MED21: variants seen among roughly 807,000 people sequenced by gnomAD.
The protein encoded by MED21 is mediator of RNA polymerase II transcription subunit 21.
A neutral mutation model predicts 18.2 loss-of-function variants in MED21; 9 were observed. The ratio of observed to expected loss-of-function variants is 0.49; its 90% CI spans 0.30 to 0.86. MED21 has a LOEUF of 0.86. Among genes scored for constraint, MED21 ranks in the 40% least tolerant of loss-of-function variants. The probability of loss-of-function intolerance (pLI) is 0.07; values close to 1 mark genes in which losing one functional copy is unlikely to be tolerated. For missense variants in MED21, 150 were observed against 170.9 expected (o/e 0.88, Z 0.68); for synonymous variants, 73 against 60.5 (o/e 1.21, Z -0.96).
At chr12:27,022,740 G>A (rs1490456445) in intron 1 of MED21, 119 bp downstream of exon 1, 8 of 1,576,030 alleles carry the variant, frequency 5.1e-6, no homozygotes, top group Non-Finnish European at 6.0e-6. Flanking sequence ...CAGGGCTTCG[G>A]CATAAAGCGC....
At chr12:27,022,707 A>G (rs1872191) in intron 1 of MED21, 86 bp downstream of exon 1, 1,508,169 of 1,608,758 alleles carry the variant, frequency 0.94, 707,616 homozygotes, top group East Asian at 1. Context: ...GCAAAACTTG[A>G]AAGTGGGGAG....
intron 1 of MED21, among the ~76,000 whole-genome samples, chr12:27,025,577 T>G (rs1241896277): frequency 3.9e-5 from 6 of 152,200 alleles, no homozygotes; most frequent in Non-Finnish European, 7.4e-5. Context: ...TTTGTAGTAT[T>G]AGCAGAATAT....
chr12:27,023,300 CTTTTTTTTTT>C (rs71437317), intron 1 of MED21, among the ~76,000 whole-genome samples: 3 of 110,438 alleles, frequency 2.7e-5, no homozygotes, highest in Non-Finnish European at 5.1e-5. Flanking sequence ...TTTTTCTTTT[CTTTTTTTTTT>C]TTTTTTTACT....
At chr12:27,034,424 A>G (rs1941637378), downstream of MED21, among the ~76,000 whole-genome samples, 1 of 152,012 alleles carries the variant, frequency 6.6e-6, no homozygotes, top group South Asian at 2.1e-4. Context: ...CTCCGTCTCA[A>G]AAAAAAAGTT....
chr12:27,034,620 T>C (rs925978769), downstream of MED21, among the ~76,000 whole-genome samples: 1 of 152,050 alleles, frequency 6.6e-6, no homozygotes, highest in Non-Finnish European at 1.5e-5. Flanking sequence ...TTTGTATTTT[T>C]AGTAGAGATG....
rs148902666 is a variant in MED21, at chr12:27,027,937, A to G, written c.259-348A>G. ...TTCAAATCATAGCACCTTTTGTTAT[A>G]ATATTCAAATTTCCATTATAAGGAA... On this transcript the variant is annotated intron_variant, in intron 3 of 3. Coordinates refer to ENST00000282892, the MANE Select transcript of MED21 (RefSeq NM_004264.5). 1.0e-3 allele frequency among the ~76,000 whole-genome samples: 157 copies of G among 152,356 alleles called. 1 individual carries two copies. The highest frequency in any genetic ancestry group is 3.7e-3 in the African/African-American group (153 of 41,580).
chr12:27,029,222 C>T lies in MED21; in HGVS notation c.*761C>T, dbSNP rs1275548917. 3 of 985,296 alleles carry T rather than the reference C, an allele frequency of 3.0e-6. No homozygotes were observed. In the African/African-American group the frequency reaches 5.2e-5, roughly 17 times the overall value. 61.0% of individuals were successfully genotyped at this position (985,296 alleles called of 1,614,324 possible). ...CAATTCTTTCTCATTCTCCATTTAT[C>T]TGAAGGTTCTTTTGCCCTTATTAAC... On this transcript the variant is annotated 3_prime_UTR_variant, in exon 4 of 4. Coordinates refer to ENST00000282892, the MANE Select transcript of MED21 (RefSeq NM_004264.5).
chr12:27,028,003 G>T (rs750846159), intron 3 of MED21, among the ~76,000 whole-genome samples: 2 of 152,142 alleles, frequency 1.3e-5, no homozygotes, highest in Non-Finnish European at 2.9e-5. Context: ...TCCTAGTGAA[G>T]AATGAGAGGA....
chr12:27,028,550 A>G lies in MED21; in HGVS notation c.*89A>G, dbSNP rs1405586387. The G allele has an allele frequency of 1.4e-6, 2 of 1,479,198 alleles. No homozygotes were observed. Among genetic ancestry groups the G allele is most frequent in the African/African-American group, 2.8e-5 (2 of 71,638 alleles). 91.6% of individuals were successfully genotyped at this position (1,479,198 alleles called of 1,614,324 possible). A position where few individuals can be genotyped will look rare whatever the true frequency, so the allele number is the denominator to read the frequency against. ...GACTTAGATACAAGCCTTACCAACA[A>G]TTACAGAAACATTAAACACTATGAC... On this transcript the variant is annotated 3_prime_UTR_variant, in exon 4 of 4. Coordinates refer to ENST00000282892, the MANE Select transcript of MED21 (RefSeq NM_004264.5).
At chr12:27,036,435 T>C (rs548379134) in intron 2 of MED21, among the ~76,000 whole-genome samples, 13 of 152,340 alleles carry the variant, frequency 8.5e-5, no homozygotes, top group Non-Finnish European at 1.6e-4. Context: ...AGAAGCTCTT[T>C]AGTTTAATTA....
At chr12:27,031,159 A>G (rs1399303744), downstream of MED21, among the ~76,000 whole-genome samples, 2 of 152,190 alleles carry the variant, frequency 1.3e-5, no homozygotes, top group Non-Finnish European at 2.9e-5. Flanking sequence ...CACCCGCCTC[A>G]GCCTCCCAAA....
chr12:27,023,721 G>C (rs1192372221), intron 1 of MED21, among the ~76,000 whole-genome samples: 8 of 152,142 alleles, frequency 5.3e-5, no homozygotes. Flanking sequence ...GTGGAAAGTA[G>C]AAGCAAAGCC....
Position 27,030,307 on chromosome 12 carries a change from CTT to C in MED21, c.*1855_*1856del. On this transcript the variant is annotated 3_prime_UTR_variant, in exon 4 of 4. Transcript: ENST00000282892. ...ACCACGTCCAGCTAATTTTTTTTTT[CTT>C]TTTTTTTTAGAGATGGGGTCTCACT... 11 of 402,332 alleles carry C rather than the reference CTT, an allele frequency of 2.7e-5. No individual in the cohort carries two copies. The highest frequency in any genetic ancestry group is 6.7e-4 in the Middle Eastern group (1 of 1,492). 24.9% of individuals were successfully genotyped at this position (402,332 alleles called of 1,614,324 possible).
intron 2 of MED21, chr12:27,038,289 A>G (rs1941661775): frequency 6.6e-6 from 1 of 152,094 alleles, no homozygotes; most frequent in South Asian, 2.1e-4. Context: ...TTTAAAGTAC[A>G]TTTTCAGTGA....
downstream of MED21, among the ~76,000 whole-genome samples, chr12:27,034,640 A>G (rs1303849144): frequency 1.2e-4 from 19 of 152,040 alleles, no homozygotes; most frequent in East Asian, 3.5e-3. Flanking sequence ...GGGGTTTTGC[A>G]GTGTTGCCCA....
Position 27,030,414 on chromosome 12 carries a change from T to C in MED21, c.*1953T>C. 7.7e-6 allele frequency: 3 copies of C among 388,690 alleles called. No individual in the cohort carries two copies. The highest frequency in any genetic ancestry group is 1.4e-5 in the Non-Finnish European group (3 of 220,686). 24.1% of individuals were successfully genotyped at this position (388,690 alleles called of 1,614,324 possible). A position where few individuals can be genotyped will look rare whatever the true frequency, so the allele number is the denominator to read the frequency against. Reference sequence around the variant, plus strand: ...TAGACTATAAGAAATTAAGTATTTGTATCATCCCTAGAGCGACACAGATTT... The same window carrying C: ...TAGACTATAAGAAATTAAGTATTTGCATCATCCCTAGAGCGACACAGATTT... On this transcript the variant is annotated 3_prime_UTR_variant, in exon 4 of 4. Transcript: ENST00000282892.
In MED21 at chr12:27,029,094, G is replaced by T. The variant is rs555829700; in HGVS notation, c.*633G>T. On this transcript the variant is annotated 3_prime_UTR_variant, in exon 4 of 4. Coordinates refer to ENST00000282892, the MANE Select transcript of MED21 (RefSeq NM_004264.5). ...AGAGAATTTCCTGGCTGTTGTGAAA[G>T]AATTTTTCTACATCCTGAACTATTT... 8.5e-5 allele frequency: 84 copies of T among 985,356 alleles called. No homozygotes were observed. In the Middle Eastern group the frequency reaches 1.6e-3, roughly 18 times the overall value. 61.0% of individuals were successfully genotyped at this position (985,356 alleles called of 1,614,324 possible).
chr12:27,024,540 A>C (rs1374514241), intron 1 of MED21, among the ~76,000 whole-genome samples: 3 of 152,218 alleles, frequency 2.0e-5, no homozygotes, highest in Non-Finnish European at 4.4e-5. Context: ...GGTTTTACGA[A>C]ATCAAATTGT....
downstream of MED21, among the ~76,000 whole-genome samples, chr12:27,033,190 C>T (rs982800166): frequency 1.3e-5 from 2 of 152,056 alleles, no homozygotes; most frequent in African/African-American, 4.8e-5. Context: ...AGCAAAATAC[C>T]ATAAGCTGAT....
Sources: gnomAD v4.1 joint callset for allele counts (sites outside exome capture counted in the v4.1 genomes callset) on GRCh38, gnomAD v4.1.1 for gene constraint, MANE v1.5 for transcripts, NCBI Gene and HGNC (gene_info 2026-07-23, HGNC 2026-07-21) for gene names.